TSPEAR: variants seen among roughly 807,000 people sequenced by gnomAD.
The protein encoded by TSPEAR is thrombospondin-type laminin G domain and EAR repeat-containing protein.
Under a neutral mutation model 71.6 loss-of-function variants are expected in TSPEAR, and 69 were observed. The ratio of observed to expected loss-of-function variants is 0.96; its 90% CI spans 0.79 to 1.18. TSPEAR has a LOEUF of 1.18. Ranked by LOEUF, TSPEAR falls within the 50% of genes most tolerant of loss-of-function variation. TSPEAR has a pLI of 0.00. For missense variants in TSPEAR, 971 were observed against 894.9 expected (o/e 1.09, Z -1.09); for synonymous variants, 402 against 387.2 (o/e 1.04, Z -0.45).
intron 1 of TSPEAR, among the ~76,000 whole-genome samples, chr21:44,610,657 T>A (rs1225323818): frequency 2.6e-5 from 4 of 152,124 alleles, no homozygotes; most frequent in African/African-American, 9.7e-5. Flanking sequence ...GGAGCTGTGA[T>A]AAGAGGGCCA....
At position 44,697,273 on chromosome 21, in the gene TSPEAR, C is replaced by T. The variant is rs527839616; in HGVS notation, c.82+14160G>A. ...TTCCTGGTTCCTGTGACTCTTGCTCCGACTCCTGGCAGGTGGACGACTGCC... is the reference window on the plus strand; with the variant it reads ...TTCCTGGTTCCTGTGACTCTTGCTCTGACTCCTGGCAGGTGGACGACTGCC... On this transcript the variant is annotated intron_variant, in intron 1 of 11. Transcript: ENST00000323084. 6.9e-5 allele frequency: 111 copies of T among 1,614,044 alleles called. No individual in the cohort carries two copies. In the South Asian group the frequency reaches 1.0e-3, roughly 15 times the overall value.
intron 1 of TSPEAR, among the ~76,000 whole-genome samples, chr21:44,649,948 G>T (rs1555941084): frequency 1.3e-5 from 2 of 152,224 alleles, no homozygotes; most frequent in African/African-American, 4.8e-5. Context: ...TGTTGGTCCA[G>T]ACGTGGCGCA....
At chr21:44,613,174 C>T (rs1168058959) in intron 1 of TSPEAR, among the ~76,000 whole-genome samples, 1 of 152,242 alleles carries the variant, frequency 6.6e-6, no homozygotes, top group African/African-American at 2.4e-5. Flanking sequence ...CCTCCTCCTA[C>T]TCCCCAATAA....
chr21:44,605,321 AC>A (rs1555929651), intron 1 of TSPEAR, among the ~76,000 whole-genome samples: 1 of 152,240 alleles, frequency 6.6e-6, no homozygotes, highest in African/African-American at 2.4e-5. Flanking sequence ...AATAAATGGA[AC>A]AATGTCCCAT....
intron 11 of TSPEAR, among the ~76,000 whole-genome samples, chr21:44,502,273 C>T (rs1464047676): frequency 2.0e-5 from 3 of 152,152 alleles, no homozygotes; most frequent in Non-Finnish European, 2.9e-5. Flanking sequence ...CCACTTCTGC[C>T]GCCATCCAAG....
Position 44,627,272 on chromosome 21 carries a change from C to T in TSPEAR, c.83-59267G>A, listed in dbSNP as rs587608328. 44 of 1,612,632 alleles carry T rather than the reference C, an allele frequency of 2.7e-5. 1 individual carries two copies. In the Middle Eastern group the frequency reaches 8.1e-4, roughly 30 times the overall value. On this transcript the variant is annotated intron_variant, in intron 1 of 11. Coordinates refer to ENST00000323084, the MANE Select transcript of TSPEAR (RefSeq NM_144991.3). ...TGCTGTGAGCCCCCCTGCTGCGCCA[C>T]CAGCTGCTGCGCCCCGGCCCCCTGC...
intron 1 of TSPEAR, among the ~76,000 whole-genome samples, chr21:44,625,536 T>C (rs374946984): frequency 6.6e-6 from 1 of 152,214 alleles, no homozygotes; most frequent in African/African-American, 2.4e-5. Context: ...ACCAAATCCA[T>C]AGCCCAAAAT....
chr21:44,524,859 A>G (rs1430516308), intron 8 of TSPEAR, among the ~76,000 whole-genome samples: 4 of 146,030 alleles, frequency 2.7e-5, no homozygotes, highest in Non-Finnish European at 6.0e-5. Flanking sequence ...CAGTCAGCCA[A>G]TAGCCAGTCA....
At chr21:44,613,222 C>T (rs587671944) in intron 1 of TSPEAR, among the ~76,000 whole-genome samples, 37 of 152,348 alleles carry the variant, frequency 2.4e-4, no homozygotes, top group Non-Finnish European at 4.3e-4. Flanking sequence ...TCCTGTTGTT[C>T]TCCTGGGAGG....
chr21:44,637,875 AG>A, intron 1 of TSPEAR: 1 of 1,530,510 alleles, frequency 6.5e-7, no homozygotes, highest in Non-Finnish European at 8.9e-7. Flanking sequence ...GTCTGCTCTA[AG>A]TCCGTCTGCT....
intron 1 of TSPEAR, among the ~76,000 whole-genome samples, chr21:44,692,303 G>A (rs556372139): frequency 2.4e-4 from 37 of 152,268 alleles, no homozygotes; most frequent in African/African-American, 8.4e-4. Context: ...AACAAGACAG[G>A]ATGTCCCTTT....
intron 1 of TSPEAR, among the ~76,000 whole-genome samples, chr21:44,654,876 T>C (rs1555942291): frequency 6.6e-6 from 1 of 151,990 alleles, no homozygotes; most frequent in Non-Finnish European, 1.5e-5. Context: ...AGAGCAGGGG[T>C]AGCTGGTGAA....
At position 44,521,873 on chromosome 21, in the gene TSPEAR, G is replaced by T; in HGVS notation, c.1566+10C>A. 1 of 1,612,034 alleles carries T rather than the reference G, an allele frequency of 6.2e-7. No homozygotes were observed. Among genetic ancestry groups the T allele is most frequent in the South Asian group, 1.1e-5 (1 of 91,054 alleles). ...CAATGGAGAGCCGGGGCTCATGCGG[G>T]GGGCCTTACCGGGAAGGACTGGAAG... is the stretch of plus-strand genomic sequence containing the variant. On this transcript the variant is annotated intron_variant, in intron 9 of 11. Transcript: ENST00000323084.
Position 44,539,083 on chromosome 21 carries a change from G to A in TSPEAR, c.304-5160C>T, listed in dbSNP as rs1344925261. The A allele has an allele frequency of 1.5e-5, 11 of 743,548 alleles. No homozygotes were observed. In the African/African-American group the frequency reaches 1.6e-4, roughly 11 times the overall value. 46.1% of individuals were successfully genotyped at this position (743,548 alleles called of 1,614,324 possible). ...CAGAGAAGCTGGGAGGGAGGACAGG[G>A]GACCTAGCAGGCAGGTGGGCACCTG... On this transcript the variant is annotated intron_variant, in intron 2 of 11. Transcript: ENST00000323084.
At chr21:44,510,713 G>A (rs1308884746) in intron 9 of TSPEAR, 1 of 152,330 alleles carries the variant, frequency 6.6e-6, no homozygotes, top group South Asian at 2.1e-4. Context: ...GGCTGCAGGG[G>A]AGGGCGCCAC....
chr21:44,700,292 C>G (rs1555951354), intron 1 of TSPEAR, among the ~76,000 whole-genome samples: 1 of 152,190 alleles, frequency 6.6e-6, no homozygotes, highest in African/African-American at 2.4e-5. Flanking sequence ...AGCACAAAGG[C>G]TGGGGTCGTG....
chr21:44,530,056 C>T (rs1569167372), intron 4 of TSPEAR, 102 bp from the exon 5 acceptor site: 9 of 1,243,344 alleles, frequency 7.2e-6, no homozygotes, highest in South Asian at 4.7e-5. Context: ...GGAGGAGGCT[C>T]GGGTGGATGG....
In TSPEAR at chr21:44,623,029, T is replaced by A. The variant is rs1447298706; in HGVS notation, c.83-55024A>T. Among the ~76,000 whole-genome samples, 1 of 152,176 alleles carries A rather than the reference T, an allele frequency of 6.6e-6. No individual in the cohort carries two copies. Among genetic ancestry groups the A allele is most frequent in the South Asian group, 2.1e-4 (1 of 4,830 alleles). ...GTGACATGCCCACTCCCCCTTCACC[T>A]TCCACCATGAGCAAAGCCCCCTGAG... On this transcript the variant is annotated intron_variant, in intron 1 of 11. Transcript: ENST00000323084. This position sits in a 1 kb window ranked among gnomAD's most constrained non-coding sequence, Gnocchi z 4.5.
intron 2 of TSPEAR, among the ~76,000 whole-genome samples, chr21:44,552,720 C>T (rs113762788): frequency 7.9e-5 from 12 of 152,310 alleles, no homozygotes; most frequent in South Asian, 2.1e-4. Flanking sequence ...ACCGGCTGGA[C>T]GTGGGATAAA....
Sources: allele counts gnomAD v4.1 joint callset (sites outside exome capture counted in the v4.1 genomes callset), GRCh38; gene constraint gnomAD v4.1.1; non-coding constraint Gnocchi (gnomAD v3.1); transcripts MANE v1.5; gene names NCBI Gene and HGNC (gene_info 2026-07-23, HGNC 2026-07-21).